Variants in NCBP1 observed in about 807,000 individuals in gnomAD.
The protein encoded by NCBP1 is nuclear cap binding protein subunit 1.
In NCBP1, 16 loss-of-function variants were observed where a neutral mutation model predicts 111.7. The observed-to-expected ratio is 0.14, with a 90% CI of 0.10 to 0.22. The LOEUF is 0.22. Ranked by LOEUF, NCBP1 falls within the 10% of genes least tolerant of loss-of-function variation. NCBP1 has a pLI of 1.00. For missense variants in NCBP1, 607 were observed against 957.5 expected (o/e 0.63, Z 4.83); for synonymous variants, 304 against 314.3 (o/e 0.97, Z 0.35).
At chr9:97,669,775 C>T in intron 22 of NCBP1, 69 bp downstream of exon 22, 1 of 1,176,206 alleles carries the variant, frequency 8.5e-7, no homozygotes, top group Non-Finnish European at 1.3e-6. Context: ...TAAAAAAAAT[C>T]CTTGTCAAAT....
At chr9:97,655,928 A>T in intron 13 of NCBP1, 83 bp from the exon 14 acceptor site, 1 of 1,409,148 alleles carries the variant, frequency 7.1e-7, no homozygotes, top group Non-Finnish European at 9.9e-7. Flanking sequence ...GTAAGTTGTT[A>T]TAAGTTAACA....
intron 19 of NCBP1, among the ~76,000 whole-genome samples, chr9:97,666,388 T>A (rs1042464198): frequency 6.6e-6 from 1 of 152,214 alleles, no homozygotes; most frequent in African/African-American, 2.4e-5. Context: ...GTCACCATTT[T>A]GAGAAAATTT....
rs1352284898 is a variant in NCBP1 at position 97,666,807 on chromosome 9, A to G, written c.1946A>G (p.Asn649Ser). 4.3e-6 allele frequency: 7 copies of G among 1,609,940 alleles called. No individual in the cohort carries two copies. The highest frequency in any genetic ancestry group is 5.9e-6 in the Non-Finnish European group (7 of 1,178,730). Reference protein sequence around the residue: ...EILHSTIRKMNKHVLKIQKEL... With the variant: ...EILHSTIRKMSKHVLKIQKEL... Reference sequence around the variant, plus strand: ...TTGCACTCTACAATTCGTAAGATGAACAAACATGTCCTGAAGATCCAGAAA... The same window carrying G: ...TTGCACTCTACAATTCGTAAGATGAGCAAACATGTCCTGAAGATCCAGAAA... The change falls in exon 20 of 23, where the codon AAC becomes AGC. Residue 649 changes from asparagine to serine, a missense_variant. Around this residue, in one of 9 missense-constraint regions of NCBP1, gnomAD observed 282 missense variants for 376.5 expected, o/e 0.75. Transcript: ENST00000375147.
chr9:97,670,714 C>T (rs1371791083), intron 22 of NCBP1, among the ~76,000 whole-genome samples: 4 of 152,128 alleles, frequency 2.6e-5, no homozygotes, highest in East Asian at 3.8e-4. Context: ...CCTGTCAGTC[C>T]GTCTGGCTGC....
At chr9:97,670,487 T>C (rs951652704) in intron 22 of NCBP1, among the ~76,000 whole-genome samples, 4 of 152,230 alleles carry the variant, frequency 2.6e-5, no homozygotes, top group African/African-American at 9.6e-5. Context: ...ACTACTCCCC[T>C]AAATCTTCAT....
intron 8 of NCBP1, among the ~76,000 whole-genome samples, chr9:97,650,075 T>C (rs567501738): frequency 3.3e-5 from 5 of 152,312 alleles, no homozygotes; most frequent in Admixed American, 3.3e-4. Flanking sequence ...GTTTTGAGCT[T>C]AGACAGTATA....
chr9:97,651,128 A>G (rs1827486702), intron 9 of NCBP1, among the ~76,000 whole-genome samples, 182 bp from the exon 10 acceptor site: 1 of 152,196 alleles, frequency 6.6e-6, no homozygotes, highest in Admixed American at 6.5e-5. Context: ...TGGATGCAGT[A>G]AAGATTTTCC....
chr9:97,633,941 A>G, intron 1 of NCBP1, 26 bp downstream of exon 1: 1 of 1,570,958 alleles, frequency 6.4e-7, no homozygotes, highest in Non-Finnish European at 8.6e-7. Context: ...CCGGCCACGG[A>G]GGCCGCTCCC....
chr9:97,654,679 G>A (rs745511119), intron 11 of NCBP1, among the ~76,000 whole-genome samples: 16 of 152,116 alleles, frequency 1.1e-4, no homozygotes, highest in Non-Finnish European at 2.2e-4. Flanking sequence ...TTGATTTCAC[G>A]AGTGTATGCA....
At chr9:97,654,712 T>A (rs1428076528) in intron 11 of NCBP1, among the ~76,000 whole-genome samples, 168 bp from the exon 12 acceptor site, 4 of 152,218 alleles carry the variant, frequency 2.6e-5, no homozygotes, top group Non-Finnish European at 4.4e-5. Context: ...TATACATCAC[T>A]GATATTTCAA....
At chr9:97,652,619 C>G (rs1434503051) in intron 10 of NCBP1, among the ~76,000 whole-genome samples, 2 of 152,028 alleles carry the variant, frequency 1.3e-5, no homozygotes, top group Non-Finnish European at 2.9e-5. Flanking sequence ...GAGTCCGTCT[C>G]AAAATAAATA....
intron 8 of NCBP1, among the ~76,000 whole-genome samples, chr9:97,649,333 C>T (rs945008226): frequency 6.6e-6 from 1 of 151,976 alleles, no homozygotes; most frequent in African/African-American, 2.4e-5. Flanking sequence ...TGATCTCTAC[C>T]CTCTAAATGT....
chr9:97,661,079 T>A lies in NCBP1; in HGVS notation c.1600+11T>A. On this transcript the variant is annotated intron_variant, in intron 16 of 22. Transcript: ENST00000375147. ...AGGATGATGACGACGGTAAGTGGAA[T>A]TCAGTATTTCTTAAGTGGAACTATG... 1 of 1,610,994 alleles carries A rather than the reference T, an allele frequency of 6.2e-7. No homozygotes were observed. Among genetic ancestry groups the A allele is most frequent in the South Asian group, 1.1e-5 (1 of 90,934 alleles).
Position 97,671,205 on chromosome 9 carries a change from A to G in NCBP1, c.*6A>G. On this transcript the variant is annotated 3_prime_UTR_variant, in exon 23 of 23. Coordinates refer to ENST00000375147, the MANE Select transcript of NCBP1 (RefSeq NM_002486.5). ...TCTGTGCCCTGCAGGCCTAAGGGTC[A>G]TTTTTTCCTCATGTCAAGGTTTTTT... 6.4e-7 allele frequency: 1 copy of G among 1,566,236 alleles called. No homozygotes were observed. Among genetic ancestry groups the G allele is most frequent in the African/African-American group, 1.4e-5 (1 of 73,020 alleles).
Position 97,668,968 on chromosome 9 carries a change from A to G in NCBP1, c.2139A>G (p.Ile713Met). 6.2e-7 allele frequency: 1 copy of G among 1,608,744 alleles called. No homozygotes were observed. The highest frequency in any genetic ancestry group is 8.5e-7 in the Non-Finnish European group (1 of 1,178,058). ...AACAAAAGAATCTTTTCCTCGTTAT[A>G]TTTCAGGTATCTTGGCTTGGGACAT... The part of the protein sequence containing the change: ...QSEQKNLFLV[I>M]FQRFIMILTE... Residue 713 changes from isoleucine (I) to methionine (M), a missense_variant, in exon 21 of 23, where the codon ATA (isoleucine) becomes ATG (methionine). Around this residue, in one of 9 missense-constraint regions of NCBP1, gnomAD observed 282 missense variants for 376.5 expected, o/e 0.75. Transcript: ENST00000375147.
chr9:97,662,354 G>A (rs2131361009), intron 17 of NCBP1, among the ~76,000 whole-genome samples: 1 of 152,244 alleles, frequency 6.6e-6, no homozygotes, highest in Middle Eastern at 3.4e-3. Context: ...CATGGTAAGT[G>A]CTTTTTTTCA....
rs558654621 is a variant in NCBP1, at chr9:97,672,727, G to A, written c.*1528G>A. The A allele has an allele frequency of 1.1e-5, 2 of 179,720 alleles. No homozygotes were observed. Among genetic ancestry groups the A allele is most frequent in the South Asian group, 1.6e-4 (1 of 6,434 alleles). 11.1% of individuals were successfully genotyped at this position (179,720 alleles called of 1,614,324 possible). On this transcript the variant is annotated 3_prime_UTR_variant, in exon 23 of 23. Coordinates refer to ENST00000375147, the MANE Select transcript of NCBP1 (RefSeq NM_002486.5). ...CCTTGTCTTCCTCAGCCTGCTCAACGTGAAGATGATGAGGATGAAGACCTT... is the reference window on the plus strand; with the variant it reads ...CCTTGTCTTCCTCAGCCTGCTCAACATGAAGATGATGAGGATGAAGACCTT...
At chr9:97,654,381 A>C (rs1016061193) in intron 11 of NCBP1, among the ~76,000 whole-genome samples, 1 of 152,176 alleles carries the variant, frequency 6.6e-6, no homozygotes, top group Admixed American at 6.5e-5. Context: ...CTTTGCTCAT[A>C]CATAGAAAGC....
At chr9:97,659,959 A>G (rs907358354) in intron 15 of NCBP1, among the ~76,000 whole-genome samples, 13 of 152,096 alleles carry the variant, frequency 8.5e-5, no homozygotes, top group Admixed American at 5.9e-4. Context: ...CCATTACCCC[A>G]GTCTGGAAAG....
Sources: allele counts gnomAD v4.1 joint callset (sites outside exome capture counted in the v4.1 genomes callset), GRCh38; gene constraint gnomAD v4.1.1; regional missense constraint gnomAD v4.1.1; transcripts MANE v1.5; gene names NCBI Gene and HGNC (gene_info 2026-07-23, HGNC 2026-07-21).